CDK14: variants seen among roughly 807,000 people sequenced by gnomAD.
The protein encoded by CDK14 is cyclin dependent kinase 14, also known as cyclin-dependent kinase 14.
In CDK14, 34 loss-of-function variants were observed where a neutral mutation model predicts 60.7. That is an observed-to-expected ratio of 0.56 (90% confidence interval 0.43 to 0.75). The LOEUF (loss-of-function observed/expected upper bound fraction) is 0.75, where lower values mean the gene tolerates loss of function less well. Among genes scored for constraint, CDK14 ranks in the 30% least tolerant of loss-of-function variants. The pLI, the probability that CDK14 is intolerant of heterozygous loss-of-function variation, is 0.00. For synonymous variants in CDK14, 197 were observed against 203.7 expected (o/e 0.97, Z 0.28); for missense variants, 482 against 564.1 (o/e 0.85, Z 1.47).
chr7:91,059,547 T>C (rs1713760909), intron 11 of CDK14, among the ~76,000 whole-genome samples: 1 of 152,282 alleles, frequency 6.6e-6, no homozygotes, highest in Admixed American at 6.5e-5. Flanking sequence ...CATTTAGTGC[T>C]ATAAATTTCC....
intron 2 of CDK14, among the ~76,000 whole-genome samples, chr7:90,633,041 A>G (rs1307578750): frequency 6.6e-6 from 1 of 151,568 alleles, no homozygotes; most frequent in African/African-American, 2.4e-5. Context: ...GGTTGCAGTA[A>G]GCCGAGACTG....
intron 10 of CDK14, among the ~76,000 whole-genome samples, chr7:91,023,362 CTATGATATGT>C (rs1233745023): frequency 1.3e-5 from 2 of 152,090 alleles, no homozygotes; most frequent in Non-Finnish European, 2.9e-5. Flanking sequence ...TTCATGTCTT[CTATGATATGT>C]TATCACTCGG....
At chr7:90,956,246 T>A (rs564604892) in intron 9 of CDK14, among the ~76,000 whole-genome samples, 2 of 152,214 alleles carry the variant, frequency 1.3e-5, no homozygotes, top group Admixed American at 1.3e-4. Context: ...ACTCACAGTA[T>A]GTACTTGAAA....
chr7:91,140,121 GAGA>G (rs1800410459), intron 14 of CDK14, among the ~76,000 whole-genome samples: 1 of 152,190 alleles, frequency 6.6e-6, no homozygotes, highest in African/African-American at 2.4e-5. Flanking sequence ...TGACACGAGT[GAGA>G]AGGATTTGGG....
intron 10 of CDK14, among the ~76,000 whole-genome samples, chr7:91,009,934 G>A (rs1026550271): frequency 4.6e-5 from 7 of 152,012 alleles, no homozygotes; most frequent in East Asian, 3.9e-4. Context: ...GTCTAGGATC[G>A]ATTTTTAGTT....
chr7:90,620,305 C>G (rs1799739449), intron 2 of CDK14, among the ~76,000 whole-genome samples: 1 of 152,080 alleles, frequency 6.6e-6, no homozygotes, highest in African/African-American at 2.4e-5. Flanking sequence ...GGGTATTTTT[C>G]TTTGAGATTT....
chr7:91,024,220 T>A (rs1715481352), intron 10 of CDK14, among the ~76,000 whole-genome samples: 1 of 152,226 alleles, frequency 6.6e-6, no homozygotes, highest in Non-Finnish European at 1.5e-5. Flanking sequence ...ACTTTTCATG[T>A]ATTACCTTAT....
intron 5 of CDK14, among the ~76,000 whole-genome samples, chr7:90,809,061 A>G (rs1257255849): frequency 6.6e-6 from 1 of 152,206 alleles, no homozygotes; most frequent in Non-Finnish European, 1.5e-5. Flanking sequence ...AGACAGATCA[A>G]TGAGACAGAA....
intron 3 of CDK14, among the ~76,000 whole-genome samples, chr7:90,736,344 GTTTTTGTTTTTTT>G (rs1163295036): frequency 7.1e-4 from 29 of 41,024 alleles, no homozygotes; most frequent in South Asian, 1.0e-3. Context: ...ACTTTATTAT[GTTTTTGTTTTTTT>G]TTTTTTTTTT....
intron 8 of CDK14, among the ~76,000 whole-genome samples, chr7:90,951,150 A>G (rs1794248631): frequency 6.6e-6 from 1 of 152,196 alleles, no homozygotes; most frequent in Non-Finnish European, 1.5e-5. Context: ...TTCCCAGTGT[A>G]ACTGTCTTAT....
At chr7:91,206,763 A>G (rs987174730) in intron 14 of CDK14, among the ~76,000 whole-genome samples, 3 of 152,158 alleles carry the variant, frequency 2.0e-5, no homozygotes, top group Admixed American at 2.0e-4. Flanking sequence ...CCGTTTTTCT[A>G]TTTCATGTTC....
intron 12 of CDK14, among the ~76,000 whole-genome samples, chr7:91,103,931 A>C (rs991594375): frequency 2.0e-5 from 3 of 152,172 alleles, no homozygotes; most frequent in African/African-American, 4.8e-5. Context: ...GAAGAGCAGC[A>C]TACTGTTATT....
intron 5 of CDK14, among the ~76,000 whole-genome samples, chr7:90,844,621 A>G (rs1353622507): frequency 1.6e-4 from 24 of 152,144 alleles, no homozygotes; most frequent in Non-Finnish European, 1.5e-5. Context: ...GCTGGTAGGA[A>G]TGATCAGGTT....
chr7:90,789,739 T>A (rs1264416931), intron 4 of CDK14, among the ~76,000 whole-genome samples: 1 of 152,062 alleles, frequency 6.6e-6, no homozygotes, highest in Non-Finnish European at 1.5e-5. Flanking sequence ...GTGCTTTTGT[T>A]TTTTCCTATT....
intron 2 of CDK14, among the ~76,000 whole-genome samples, chr7:90,617,688 C>T (rs1404701752): frequency 6.6e-6 from 1 of 152,110 alleles, no homozygotes; most frequent in African/African-American, 2.4e-5. Flanking sequence ...TTTTAGATTT[C>T]AGTTTCAAGG....
chr7:90,808,902 A>G (rs1261299802), intron 5 of CDK14, among the ~76,000 whole-genome samples: 2 of 152,240 alleles, frequency 1.3e-5, no homozygotes, highest in African/African-American at 4.8e-5. Context: ...AAAGGGATCA[A>G]TTCAACAAGA....
intron 2 of CDK14, among the ~76,000 whole-genome samples, chr7:90,625,774 T>C (rs564070151): frequency 2.4e-4 from 36 of 152,300 alleles, no homozygotes; most frequent in African/African-American, 8.4e-4. Flanking sequence ...GATGGGATTG[T>C]TCCCCCGGCC....
At chr7:90,963,822 TCTCCTGCCTCAGC>T (rs749688024) in intron 9 of CDK14, among the ~76,000 whole-genome samples, 7 of 151,372 alleles carry the variant, frequency 4.6e-5, no homozygotes, top group African/African-American at 9.7e-5. Context: ...TTCAAGAGAT[TCTCCTGCCTCAGC>T]CTCCTGACTA....
At chr7:90,995,616 T>A (rs1457224366) in intron 10 of CDK14, among the ~76,000 whole-genome samples, 1 of 152,238 alleles carries the variant, frequency 6.6e-6, no homozygotes, top group African/African-American at 2.4e-5. Flanking sequence ...TTACTCTTAT[T>A]TTATAGCAGA....
Sources: allele counts gnomAD v4.1 joint callset (sites outside exome capture counted in the v4.1 genomes callset), GRCh38; gene constraint gnomAD v4.1.1; transcripts MANE v1.5; gene names NCBI Gene and HGNC (gene_info 2026-07-23, HGNC 2026-07-21).